Variants in MYH3 observed in about 807,000 individuals in gnomAD.
The protein encoded by MYH3 is myosin-3.
In MYH3, 130 loss-of-function variants were observed where a neutral mutation model predicts 238.0. That is an observed-to-expected ratio of 0.55 (90% CI 0.47 to 0.63). The LOEUF (loss-of-function observed/expected upper bound fraction) is 0.63, where lower values mean the gene tolerates loss of function less well. Ranked by LOEUF, MYH3 falls within the 30% of genes least tolerant of loss-of-function variation. The probability of loss-of-function intolerance (pLI) is 0.00; values close to 1 mark genes in which losing one functional copy is unlikely to be tolerated. For missense variants in MYH3, 1,853 were observed against 2,374.9 expected, an observed-to-expected ratio of 0.78 and a Z score of 4.57; for synonymous variants, 880 against 924.1, an observed-to-expected ratio of 0.95 and a Z score of 0.86.
rs1309206150 is a variant in MYH3 at position 10,638,222 on chromosome 17, G to T, written c.3550C>A (p.Leu1184Met). 6.2e-7 allele frequency: 1 copy of T among 1,613,874 alleles called. No individual in the cohort carries two copies. The highest frequency in any genetic ancestry group is 8.5e-7 in the Non-Finnish European group (1 of 1,179,966). Residue 1184 changes from leucine to methionine, a missense_variant, in exon 27 of 41, where the codon CTG (leucine) becomes ATG (methionine). By Grantham distance (15) the Leu-to-Met change is conservative (BLOSUM62 2). This residue lies in a region of MYH3 where 1,044 missense variants were observed against 1,192.6 expected (regional missense o/e 0.88). Coordinates refer to ENST00000583535, the MANE Select transcript of MYH3 (RefSeq NM_002470.4). ...GCGGCCACCATGGCTTCGTGCTGCA[G>T]TGTGGCCTCCTCCAGGTCCCTGCGC... ...KLRRDLEEATLQHEAMVAALR... is the reference protein window; with the variant it reads ...KLRRDLEEATMQHEAMVAALR...
upstream of MYH3, among the ~76,000 whole-genome samples, chr17:10,657,804 T>C (rs1442742772): frequency 6.6e-6 from 1 of 152,144 alleles, no homozygotes; most frequent in Admixed American, 6.5e-5. Context: ...TTGCAAAACC[T>C]GTGCCAGGAA....
Position 10,649,348 on chromosome 17 carries a change from A to G in MYH3, c.642+229T>C, listed in dbSNP as rs568383767. Among the ~76,000 whole-genome samples, 83 of 152,336 alleles carry G rather than the reference A, an allele frequency of 5.4e-4. 1 individual carries two copies. Among genetic ancestry groups the G allele is most frequent in the African/African-American group, 1.8e-3 (73 of 41,576 alleles). ...GAGCCGTCTGCAGATTGACCTCTGAAGTTTAGCCCTAGAGCCTTGTCTTCT... is the reference window on the plus strand; with the variant it reads ...GAGCCGTCTGCAGATTGACCTCTGAGGTTTAGCCCTAGAGCCTTGTCTTCT... On this transcript the variant is annotated intron_variant, in intron 7 of 40. Coordinates refer to ENST00000583535, the MANE Select transcript of MYH3 (RefSeq NM_002470.4).
At position 10,641,270 on chromosome 17, in the gene MYH3, C is replaced by T. The variant is rs2074268566; in HGVS notation, c.2047+15G>A. 6.2e-7 allele frequency: 1 copy of T among 1,610,260 alleles called. No individual in the cohort carries two copies. The highest frequency in any genetic ancestry group is 2.2e-5 in the East Asian group (1 of 44,828). ...AAAAACTGAGCACCACCTAGCGAGCCAGCAGGTGTCTCACCTGGAGTTTTG... is the reference window on the plus strand; with the variant it reads ...AAAAACTGAGCACCACCTAGCGAGCTAGCAGGTGTCTCACCTGGAGTTTTG... On this transcript the variant is annotated intron_variant, in intron 18 of 40. Transcript: ENST00000583535.
At chr17:10,662,646 T>C in the MYH3 span, among the ~76,000 whole-genome samples, 31,375 of 152,174 alleles carry the variant, frequency 0.21, 4,421 homozygotes, top group East Asian at 0.63. Flanking sequence ...TTTCCAGTTC[T>C]TCCAACAATG....
chr17:10,629,713 G>C lies in MYH3; in HGVS notation c.5680C>G (p.Leu1894Val). 6.2e-7 allele frequency: 1 copy of C among 1,614,226 alleles called. No homozygotes were observed. Among genetic ancestry groups the C allele is most frequent in the African/African-American group, 1.3e-5 (1 of 75,058 alleles). The change falls in exon 40 of 41, where the codon CTC (leucine) becomes GTC (valine). Residue 1894 changes from leucine (L) to valine (V), a missense_variant. By Grantham distance (32) the Leu-to-Val change is conservative. Around this residue, in one of 3 missense-constraint regions of MYH3, gnomAD observed 1,044 missense variants for 1,192.6 expected, o/e 0.88. Transcript: ENST00000583535. ...TGCTGAGCCTTTCGGAATTTGGTGA[G>C]ATGAGCATTGGCTTGTTCATCCTAA... ...EEADEQANAH[L>V]TKFRKAQHEL...
At position 10,631,536 on chromosome 17, in the gene MYH3, C is replaced by T. The variant is rs559623093; in HGVS notation, c.5286+75G>A. 81 of 1,609,882 alleles carry T rather than the reference C, an allele frequency of 5.0e-5. 2 individuals carry two copies. The South Asian group carries it at 8.8e-4, about 18-fold the overall frequency. ...CCAGGTGTGGCTGGGGGAGACCGCACCTGTCTAACTATGTGAGGGCTTTAA... is the reference window on the plus strand; with the variant it reads ...CCAGGTGTGGCTGGGGGAGACCGCATCTGTCTAACTATGTGAGGGCTTTAA... On this transcript the variant is annotated intron_variant, in intron 36 of 40. Transcript: ENST00000583535.
At position 10,639,569 on chromosome 17, in the gene MYH3, T is replaced by C. The variant is rs2285472; in HGVS notation, c.2916A>G (p.Thr972=). ...LAKVEKEKHA[T]ENKVKNLTEE... is the part of the protein sequence containing the mutation. Reference sequence around the variant, plus strand: ...CCTACAATAAGAATACCTTGTTCTCTGTGGCATGCTTCTCCTTCTCAACCT... The same window carrying C: ...CCTACAATAAGAATACCTTGTTCTCCGTGGCATGCTTCTCCTTCTCAACCT... The change falls in exon 23 of 41, where the codon ACA becomes ACG. Residue 972 remains threonine, a synonymous_variant. Transcript: ENST00000583535. The C allele has an allele frequency of 0.67, 1,089,273 of 1,613,792 alleles. 379,770 individuals carry two copies. The highest frequency in any genetic ancestry group is 0.73 in the Non-Finnish European group (860,746 of 1,179,900).
chr17:10,659,519 G>A (rs968321459), upstream of MYH3, among the ~76,000 whole-genome samples: 11 of 152,080 alleles, frequency 7.2e-5, no homozygotes, highest in African/African-American at 2.4e-4. Flanking sequence ...AGACATCACT[G>A]GACACTTTTT....
At chr17:10,645,236 C>A (rs937895331) in intron 12 of MYH3, among the ~76,000 whole-genome samples, 15 of 152,110 alleles carry the variant, frequency 9.9e-5, no homozygotes, top group South Asian at 2.1e-4. Flanking sequence ...GGAGTTTGAG[C>A]CTGGCCAACA....
the MYH3 span, among the ~76,000 whole-genome samples, chr17:10,671,137 G>A: frequency 0.038 from 5,849 of 152,148 alleles, 178 homozygotes; most frequent in Non-Finnish European, 0.061. Flanking sequence ...CAGGTGATCC[G>A]CCCGCCTTGG....
chr17:10,653,026 A>C (rs2074393904), intron 3 of MYH3, among the ~76,000 whole-genome samples: 1 of 152,144 alleles, frequency 6.6e-6, no homozygotes, highest in Non-Finnish European at 1.5e-5. Flanking sequence ...CGAGAGGAGG[A>C]AAGGCTATGG....
chr17:10,641,234 C>A (rs373458992), intron 18 of MYH3, 32 bp from the exon 19 acceptor site: 2 of 1,611,642 alleles, frequency 1.2e-6, no homozygotes, highest in Non-Finnish European at 1.7e-6. Flanking sequence ...CAGCCTTACA[C>A]AGAATTTCTT....
At chr17:10,637,356 G>A (rs139426102) in intron 28 of MYH3, among the ~76,000 whole-genome samples, 5 of 152,144 alleles carry the variant, frequency 3.3e-5, no homozygotes, top group South Asian at 2.1e-4. Flanking sequence ...TACCACACCC[G>A]GCCTCCCTTA....
intron 36 of MYH3, 118 bp from the exon 37 acceptor site, chr17:10,630,576 G>A (rs1241059944): frequency 2.0e-5 from 30 of 1,478,508 alleles, no homozygotes; most frequent in African/African-American, 4.2e-5. Context: ...CAGGCCAGGC[G>A]CGGTGGCTCA....
upstream of MYH3, among the ~76,000 whole-genome samples, chr17:10,659,663 A>G (rs1194208534): frequency 6.6e-6 from 1 of 152,234 alleles, no homozygotes; most frequent in Non-Finnish European, 1.5e-5. Context: ...TGTGTGGTAC[A>G]AGATCAAAGG....
chr17:10,669,481 C>T, the MYH3 span, among the ~76,000 whole-genome samples: 35 of 150,980 alleles, frequency 2.3e-4, no homozygotes, highest in East Asian at 1.2e-3. Flanking sequence ...GCAGGAGAAT[C>T]GCTTGAACCT....
the MYH3 span, among the ~76,000 whole-genome samples, chr17:10,669,570 A>G: frequency 5.2e-5 from 5 of 95,740 alleles, no homozygotes; most frequent in Non-Finnish European, 1.0e-4. Context: ...CCATCTCAAA[A>G]AAAAAAAAAA....
intron 7 of MYH3, among the ~76,000 whole-genome samples, chr17:10,648,926 C>T (rs988750885): frequency 3.3e-5 from 5 of 152,178 alleles, no homozygotes; most frequent in African/African-American, 4.8e-5. Context: ...CCACCCGCCT[C>T]GGCCTCCCAA....
At chr17:10,672,259 C>T in the MYH3 span, among the ~76,000 whole-genome samples, 3 of 152,190 alleles carry the variant, frequency 2.0e-5, no homozygotes, top group Admixed American at 6.5e-5. Context: ...TACATAGTAA[C>T]GTTTTACATA....
Sources: allele counts gnomAD v4.1 joint callset (sites outside exome capture counted in the v4.1 genomes callset), GRCh38; gene constraint gnomAD v4.1.1; regional missense constraint gnomAD v4.1.1; transcripts MANE v1.5; gene names NCBI Gene and HGNC (gene_info 2026-07-23, HGNC 2026-07-21).